Variants in STX2 observed in about 807,000 individuals in gnomAD.
STX2 encodes the protein syntaxin 2.
In STX2, 27 loss-of-function variants were observed where a neutral mutation model predicts 40.6. The ratio of observed to expected loss-of-function variants is 0.66; its 90% confidence interval spans 0.49 to 0.92. STX2 has a LOEUF of 0.92. Ranked by LOEUF, STX2 falls within the 40% of genes least tolerant of loss-of-function variation. The pLI is 0.00. For synonymous variants in STX2, 123 were observed against 119.1 expected (o/e 1.03, Z -0.22); for missense variants, 328 against 366.1 (o/e 0.90, Z 0.85).
chr12:130,830,846 C>A (rs141367217), intron 1 of STX2, among the ~76,000 whole-genome samples: 10 of 152,160 alleles, frequency 6.6e-5, no homozygotes, highest in African/African-American at 2.2e-4. Context: ...TTGTAAATAA[C>A]CAAACTGCTA....
chr12:130,837,117 T>C (rs1952777520), intron 1 of STX2, among the ~76,000 whole-genome samples: 1 of 151,904 alleles, frequency 6.6e-6, no homozygotes, highest in Admixed American at 6.6e-5. Context: ...TTTTTTTTTT[T>C]TTTTTTATGA....
intron 4 of STX2, chr12:130,812,185 A>G: frequency 4.2e-6 from 1 of 236,418 alleles, no homozygotes; most frequent in Non-Finnish European, 8.5e-6. Context: ...AAAAAAAAAA[A>G]ATCGTAAGAC....
At chr12:130,811,357 C>A (rs373626657) in intron 4 of STX2, among the ~76,000 whole-genome samples, 5,303 of 97,690 alleles carry the variant, frequency 0.054, 107 homozygotes, top group African/African-American at 0.14. Flanking sequence ...GACTCTGTCT[C>A]AAAAAAAAAA....
At chr12:130,796,184 A>G in intron 9 of STX2, 64 bp from the exon 10 acceptor site, 1 of 1,598,856 alleles carries the variant, frequency 6.3e-7, no homozygotes. Context: ...ACATTAAAAG[A>G]CATCCTTCAT....
intron 5 of STX2, 136 bp from the exon 6 acceptor site, chr12:130,807,226 C>A (rs1296205367): frequency 3.8e-6 from 3 of 795,936 alleles, no homozygotes; most frequent in Non-Finnish European, 6.1e-6. Flanking sequence ...ATGGCAAAGT[C>A]CCCATGGCAG....
intron 1 of STX2, among the ~76,000 whole-genome samples, chr12:130,836,648 C>G (rs1308918699): frequency 6.6e-6 from 1 of 152,192 alleles, no homozygotes; most frequent in African/African-American, 2.4e-5. Flanking sequence ...TTACATAGCA[C>G]TTGCTCCCTC....
Position 130,807,045 on chromosome 12 carries a change from T to C in STX2, c.400A>G (p.Asn134Asp). The C allele has an allele frequency of 6.2e-7, 1 of 1,614,226 alleles. No individual in the cohort carries two copies. The highest frequency in any genetic ancestry group is 1.1e-5 in the South Asian group (1 of 91,084). Residue 134 changes from asparagine to aspartate, a missense_variant, in exon 6 of 11, where the codon AAT (asparagine) becomes GAT (aspartate). Asn to Asp is a conservative substitution (Grantham distance 23). Coordinates refer to ENST00000392373, the MANE Select transcript of STX2 (RefSeq NM_194356.4). Reference sequence around the variant, plus strand: ...TCCCGAAACAGAGTCTGTGCCTCATTGTACTCCGCCATGGCTTCCACAAAC... The same window carrying C: ...TCCCGAAACAGAGTCTGTGCCTCATCGTACTCCGCCATGGCTTCCACAAAC... Reference protein sequence around the residue: ...RKFVEAMAEYNEAQTLFRERS... With the variant: ...RKFVEAMAEYDEAQTLFRERS...
chr12:130,792,289 G>A (rs1216175778), intron 10 of STX2, among the ~76,000 whole-genome samples: 2 of 152,132 alleles, frequency 1.3e-5, no homozygotes, highest in Non-Finnish European at 1.5e-5. Flanking sequence ...TCGATCTCTT[G>A]ACTTCGTGAT....
chr12:130,802,208 T>C (rs1021731144), intron 6 of STX2, among the ~76,000 whole-genome samples: 1 of 152,352 alleles, frequency 6.6e-6, no homozygotes, highest in Admixed American at 6.5e-5. Context: ...TTTGTCGCTT[T>C]GTTTTTTGAG....
rs1262047298 is a variant in STX2, at chr12:130,799,917, G to A, written c.675+1236C>T. ...TTTCTTAACAAGGTTGCTGAAGCAG[G>A]CAGGAACAATCCTGTGTGTGGATGG... On this transcript the variant is annotated intron_variant, in intron 8 of 10. Transcript: ENST00000392373. Among the ~76,000 whole-genome samples the A allele has an allele frequency of 6.6e-5, 10 of 152,132 alleles. No homozygotes were observed. In the East Asian group the frequency reaches 1.9e-3, roughly 29 times the overall value.
intron 3 of STX2, among the ~76,000 whole-genome samples, chr12:130,813,585 T>C (rs949588809): frequency 6.6e-6 from 1 of 152,094 alleles, no homozygotes; most frequent in Non-Finnish European, 1.5e-5. Context: ...CAGGGGGCGA[T>C]GGAGGCAGGG....
At chr12:130,809,812 C>T (rs1951580753) in intron 4 of STX2, among the ~76,000 whole-genome samples, 2 of 152,102 alleles carry the variant, frequency 1.3e-5, no homozygotes, top group South Asian at 4.1e-4. Context: ...AGCGAAACTC[C>T]ATCTCAAAAA....
At chr12:130,807,123 AG>A (rs1951466433) in intron 5 of STX2, 33 bp from the exon 6 acceptor site, 1 of 1,598,382 alleles carries the variant, frequency 6.3e-7, no homozygotes, top group South Asian at 1.1e-5. Flanking sequence ...TTCGTATCTG[AG>A]GGCCATGCCT....
intron 3 of STX2, among the ~76,000 whole-genome samples, chr12:130,820,938 T>C (rs1046868276): frequency 5.3e-5 from 8 of 152,210 alleles, no homozygotes; most frequent in African/African-American, 1.7e-4. Context: ...CTCAGATCCA[T>C]GTCCCCTGTA....
intron 4 of STX2, among the ~76,000 whole-genome samples, chr12:130,811,856 C>G (rs1019092032): frequency 2.6e-5 from 4 of 152,116 alleles, no homozygotes; most frequent in East Asian, 1.9e-4. Context: ...AACATCTTAA[C>G]GTAACCATGA....
intron 1 of STX2, among the ~76,000 whole-genome samples, chr12:130,835,519 T>G (rs971516793): frequency 6.6e-6 from 1 of 152,198 alleles, no homozygotes; most frequent in Admixed American, 6.5e-5. Flanking sequence ...GTTCATAAAC[T>G]TTTTTTAAAA....
chr12:130,838,950 G>C lies in STX2; in HGVS notation c.30+120C>G, dbSNP rs1267633956. ...CTGCCCGCAGCCCCCGCCCCAGAAC[G>C]CCGGAGATCCCCGCCCTGGGGACCC... is the stretch of plus-strand genomic sequence containing the variant. On this transcript the variant is annotated intron_variant, in intron 1 of 10. Transcript: ENST00000392373. The C allele has an allele frequency of 4.5e-6, 4 of 879,130 alleles. No homozygotes were observed. In the East Asian group the frequency reaches 3.0e-4, roughly 65 times the overall value. 54.5% of individuals were successfully genotyped at this position (879,130 alleles called of 1,614,324 possible).
chr12:130,827,130 G>T lies in STX2; in HGVS notation c.105+63C>A, dbSNP rs1207696911. On this transcript the variant is annotated intron_variant, in intron 2 of 10. Coordinates refer to ENST00000392373, the MANE Select transcript of STX2 (RefSeq NM_194356.4). Reference sequence around the variant, plus strand: ...AGAGGGAGGGAAGAAAGGAGGGAGGGGTGGGGGGAGGGAGGGAGGACAGGT... The same window carrying T: ...AGAGGGAGGGAAGAAAGGAGGGAGGTGTGGGGGGAGGGAGGGAGGACAGGT... 33 of 658,194 alleles carry T rather than the reference G, an allele frequency of 5.0e-5. No individual in the cohort carries two copies. The African/African-American group carries it at 7.6e-4, about 15-fold the overall frequency. 40.8% of individuals were successfully genotyped at this position (658,194 alleles called of 1,614,324 possible).
At chr12:130,812,770 G>T in intron 4 of STX2, 187 bp downstream of exon 4, 1 of 521,918 alleles carries the variant, frequency 1.9e-6, no homozygotes. Flanking sequence ...CAGTATAACA[G>T]TTTATAAGCA....
Sources: allele counts gnomAD v4.1 joint callset (sites outside exome capture counted in the v4.1 genomes callset), GRCh38; gene constraint gnomAD v4.1.1; transcripts MANE v1.5; gene names NCBI Gene and HGNC (gene_info 2026-07-23, HGNC 2026-07-21).